The following POU2AF1 variants were observed in gnomAD, a reference collection of about 807,000 sequenced individuals.
POU2AF1 encodes POU domain class 2-associating factor 1.
A neutral mutation model predicts 26.3 loss-of-function variants in POU2AF1; 12 were observed. The ratio of observed to expected loss-of-function variants is 0.46; its 90% CI spans 0.29 to 0.74. POU2AF1 has a LOEUF of 0.74. POU2AF1 is among the 30% of genes least tolerant of loss of function. POU2AF1 has a pLI of 0.09. For synonymous variants in POU2AF1, 175 were observed against 148.0 expected, an observed-to-expected ratio of 1.18 and a Z score of -1.32; for missense variants, 297 against 334.5, an observed-to-expected ratio of 0.89 and a Z score of 0.87.
At position 111,354,077 on chromosome 11, in the gene POU2AF1, G is replaced by A; in HGVS notation, c.*184C>T. On this transcript the variant is annotated 3_prime_UTR_variant, in exon 5 of 5. Coordinates refer to ENST00000393067, the MANE Select transcript of POU2AF1 (RefSeq NM_006235.3). ...GGAAGAATGGAAGGATGGGGGAGAG[G>A]GAGGAAGTGAGGGAGGGAGGGGAAG... The A allele has an allele frequency of 1.8e-6, 1 of 569,648 alleles. No individual in the cohort carries two copies. The highest frequency in any genetic ancestry group is 2.4e-5 in the South Asian group (1 of 41,712). 35.3% of individuals were successfully genotyped at this position (569,648 alleles called of 1,614,324 possible). A position where few individuals can be genotyped will look rare whatever the true frequency, so the allele number is the denominator to read the frequency against.
rs1861202366 is a variant in POU2AF1 at position 111,371,144 on chromosome 11, C to T, written c.16+8018G>A. On this transcript the variant is annotated intron_variant, in intron 1 of 4. Transcript: ENST00000393067. ...GTTTTAACAATGTCCTGTATGCTTGCTGTCTTCCAATGAAATGTATGGCTC... is the reference window on the plus strand; with the variant it reads ...GTTTTAACAATGTCCTGTATGCTTGTTGTCTTCCAATGAAATGTATGGCTC... 2.0e-5 allele frequency among the ~76,000 whole-genome samples: 3 copies of T among 152,318 alleles called. No individual in the cohort carries two copies. In the South Asian group the frequency reaches 6.2e-4, roughly 32 times the overall value.
intron 1 of POU2AF1, among the ~76,000 whole-genome samples, chr11:111,372,069 C>CACACACAG (rs1555076835): frequency 2.1e-5 from 3 of 144,262 alleles, no homozygotes; most frequent in Non-Finnish European, 4.5e-5. Context: ...CACACACACA[C>CACACACAG]AGAGAGAGAG....
intron 1 of POU2AF1, chr11:111,360,040 C>G (rs766851125): frequency 1.9e-6 from 1 of 518,932 alleles, no homozygotes. Context: ...TCCCCTCTTG[C>G]CATCAAAGCC....
Position 111,357,848 on chromosome 11 carries a change from G to C in POU2AF1, c.148-11C>G, listed in dbSNP as rs765083657. ...ATGGGGCAGCACCACCTAGAGGGGA[G>C]AGGAGAAGACCAGGGTCAATGTTTA... On this transcript the variant is annotated splice_polypyrimidine_tract_variant and intron_variant, in intron 2 of 4. Coordinates refer to ENST00000393067, the MANE Select transcript of POU2AF1 (RefSeq NM_006235.3). The C allele has an allele frequency of 6.2e-7, 1 of 1,604,004 alleles. No homozygotes were observed. The highest frequency in any genetic ancestry group is 8.5e-7 in the Non-Finnish European group (1 of 1,176,344).
intron 1 of POU2AF1, among the ~76,000 whole-genome samples, chr11:111,374,503 C>T (rs1204406705): frequency 6.6e-6 from 1 of 152,162 alleles, no homozygotes; most frequent in Non-Finnish European, 1.5e-5. Context: ...TCGAGACCAG[C>T]CTGGCCAACA....
intron 1 of POU2AF1, 56 bp from the exon 2 acceptor site, chr11:111,358,974 C>T (rs1860951866): frequency 6.4e-7 from 1 of 1,551,498 alleles, no homozygotes; most frequent in East Asian, 2.2e-5. Context: ...GCCCCCACCC[C>T]AAAGTGCTCA....
At chr11:111,363,298 G>A (rs1301467189) in intron 1 of POU2AF1, 13 of 1,025,506 alleles carry the variant, frequency 1.3e-5, no homozygotes, top group African/African-American at 6.8e-5. Flanking sequence ...CAGGTAAGAA[G>A]GAGGGTGCTT....
intron 1 of POU2AF1, among the ~76,000 whole-genome samples, chr11:111,364,508 G>A (rs930269698): frequency 6.6e-6 from 1 of 152,190 alleles, no homozygotes; most frequent in Non-Finnish European, 1.5e-5. Context: ...CAAACACCTA[G>A]GGCCTGGTCA....
In POU2AF1 at chr11:111,363,254, C is replaced by T. The variant is rs557872915; in HGVS notation, c.17-4336G>A. 7 of 1,021,404 alleles carry T rather than the reference C, an allele frequency of 6.9e-6. No homozygotes were observed. In the East Asian group the frequency reaches 4.5e-4, roughly 66 times the overall value. 63.3% of individuals were successfully genotyped at this position (1,021,404 alleles called of 1,614,324 possible). ...CTGCCCGGCACGTGTCCACAGCCAG[C>T]TGCCAAGGAATTCTGTAACTGACTC... On this transcript the variant is annotated intron_variant, in intron 1 of 4. Transcript: ENST00000393067.
intron 1 of POU2AF1, among the ~76,000 whole-genome samples, chr11:111,366,181 G>A (rs1861101541): frequency 6.6e-6 from 1 of 152,136 alleles, no homozygotes. Flanking sequence ...CTTTGTTGTT[G>A]GTGTTTAATG....
chr11:111,364,728 T>C (rs1861072449), intron 1 of POU2AF1, among the ~76,000 whole-genome samples: 1 of 152,330 alleles, frequency 6.6e-6, no homozygotes, highest in East Asian at 1.9e-4. Context: ...AGGATAAGCA[T>C]GCATTTCCGT....
In POU2AF1 at chr11:111,357,571, G is replaced by A. The variant is rs139754978; in HGVS notation, c.330C>T (p.Pro110=). The A allele has an allele frequency of 5.0e-5, 80 of 1,613,998 alleles. No homozygotes were observed. Among genetic ancestry groups the A allele is most frequent in the Non-Finnish European group, 6.4e-5 (76 of 1,179,990 alleles). ...APWTPYTEYV[P]HEAVSCPYSA... is the part of the protein sequence containing the mutation. ...AGTAGGGGCAGCTGACAGCTTCATG[G>A]GGCACATACTCGGTGTAAGGTGTCC... The change falls in exon 4 of 5, where the codon CCC becomes CCT. Residue 110 remains proline (P), a synonymous_variant. Transcript: ENST00000393067.
Position 111,353,464 on chromosome 11 carries a change from C to T in POU2AF1, c.*797G>A, listed in dbSNP as rs6589223. 2,635 of 232,094 alleles carry T rather than the reference C, an allele frequency of 0.011. 74 individuals carry two copies. Among genetic ancestry groups the T allele is most frequent in the African/African-American group, 0.052 (2,376 of 45,318 alleles). 14.4% of individuals were successfully genotyped at this position (232,094 alleles called of 1,614,324 possible). ...TCCCCACCCACCCTGATGTTCTTTT[C>T]TCCCTGCCACCCACTTCCCACCCCT... On this transcript the variant is annotated 3_prime_UTR_variant, in exon 5 of 5. Transcript: ENST00000393067.
At chr11:111,358,417 C>CAT in intron 2 of POU2AF1, among the ~76,000 whole-genome samples, 2 of 100,508 alleles carry the variant, frequency 2.0e-5, no homozygotes, top group African/African-American at 7.1e-5. Flanking sequence ...CTCTCACACA[C>CAT]ACGCTCACAC....
intron 1 of POU2AF1, among the ~76,000 whole-genome samples, chr11:111,374,421 G>C (rs1285365507): frequency 6.6e-6 from 1 of 152,180 alleles, no homozygotes; most frequent in Admixed American, 6.5e-5. Flanking sequence ...AATTGGCCAG[G>C]CGTGGTGGTT....
intron 1 of POU2AF1, among the ~76,000 whole-genome samples, chr11:111,373,638 C>T (rs1385404109): frequency 1.3e-5 from 2 of 152,198 alleles, no homozygotes; most frequent in Non-Finnish European, 2.9e-5. Context: ...CAGGAAAAGG[C>T]AAGTTCCATT....
At chr11:111,356,812 C>T (rs1456525834) in intron 4 of POU2AF1, among the ~76,000 whole-genome samples, 2 of 152,180 alleles carry the variant, frequency 1.3e-5, no homozygotes, top group Admixed American at 6.5e-5. Context: ...CTGACAACGA[C>T]CCTTTTCTTG....
At chr11:111,375,692 C>T (rs1257349023) in intron 1 of POU2AF1, among the ~76,000 whole-genome samples, 1 of 152,162 alleles carries the variant, frequency 6.6e-6, no homozygotes, top group Non-Finnish European at 1.5e-5. Flanking sequence ...CGCCACCGCA[C>T]CCGGCCTGAT....
intron 1 of POU2AF1, chr11:111,363,264 A>G: frequency 9.8e-7 from 1 of 1,021,964 alleles, no homozygotes; most frequent in Non-Finnish European, 1.2e-6. Flanking sequence ...CTGCCAAGGA[A>G]TTCTGTAACT....
Sources: gnomAD v4.1 joint callset for allele counts (sites outside exome capture counted in the v4.1 genomes callset) on GRCh38, gnomAD v4.1.1 for gene constraint, MANE v1.5 for transcripts, NCBI Gene and HGNC (gene_info 2026-07-23, HGNC 2026-07-21) for gene names.